The following PRSS23 variants were observed in gnomAD, a reference collection of about 807,000 sequenced individuals.
PRSS23 encodes serine protease 23.
A neutral mutation model predicts 34.7 loss-of-function variants in PRSS23; 25 were observed. The ratio of observed to expected loss-of-function variants is 0.72; its 90% CI spans 0.53 to 1.01. PRSS23 has a LOEUF of 1.01. PRSS23 is among the 50% of genes least tolerant of loss of function. The probability of loss-of-function intolerance (pLI) is 0.00; values close to 1 mark genes in which losing one functional copy is unlikely to be tolerated. For synonymous variants in PRSS23, 176 were observed against 186.6 expected (o/e 0.94, Z 0.46); for missense variants, 445 against 475.6 (o/e 0.94, Z 0.60).
At chr11:86,797,588 TTC>T (rs1280980690), upstream of PRSS23, among the ~76,000 whole-genome samples, 1 of 152,212 alleles carries the variant, frequency 6.6e-6, no homozygotes, top group Non-Finnish European at 1.5e-5. Flanking sequence ...GCCTCAGTTT[TTC>T]TCTCTGAGTG....
intron 2 of PRSS23, chr11:86,947,726 G>A (rs1949255640): frequency 6.6e-6 from 1 of 152,234 alleles, no homozygotes; most frequent in Non-Finnish European, 1.5e-5. Context: ...TCAAGCAGAT[G>A]GTTCTGGCCA....
intron 2 of PRSS23, among the ~76,000 whole-genome samples, chr11:86,868,480 T>G (rs1275796954): frequency 6.6e-6 from 1 of 152,072 alleles, no homozygotes; most frequent in Non-Finnish European, 1.5e-5. Flanking sequence ...TGACCGATAT[T>G]AGGAGGAACA....
intron 2 of PRSS23, among the ~76,000 whole-genome samples, chr11:86,912,406 T>C (rs1227990137): frequency 2.9e-5 from 1 of 34,460 alleles, no homozygotes; most frequent in Non-Finnish European, 7.5e-5. Context: ...GGGACTCCAA[T>C]TGCACACGTT....
intron 2 of PRSS23, among the ~76,000 whole-genome samples, chr11:86,923,394 C>T (rs1590929450): frequency 2.0e-5 from 3 of 152,220 alleles, no homozygotes; most frequent in South Asian, 2.1e-4. Context: ...GCTGGGATTA[C>T]CAGCATAAAC....
upstream of PRSS23, chr11:86,800,534 G>C: frequency 2.0e-6 from 2 of 984,702 alleles, no homozygotes; most frequent in Non-Finnish European, 2.4e-6. Context: ...CTGCTCGCCA[G>C]CTTGCTCGCA....
chr11:86,907,778 A>G (rs1337986818), intron 2 of PRSS23, among the ~76,000 whole-genome samples: 1 of 152,202 alleles, frequency 6.6e-6, no homozygotes, highest in Non-Finnish European at 1.5e-5. Context: ...TTTCAAGTGC[A>G]TAGTGCCGTC....
chr11:86,829,735 G>C (rs1031982838), intron 2 of PRSS23, among the ~76,000 whole-genome samples: 1 of 152,202 alleles, frequency 6.6e-6, no homozygotes, highest in Non-Finnish European at 1.5e-5. Flanking sequence ...AGGTCTGTTG[G>C]AGTTTGCTAG....
chr11:86,818,937 T>G (rs2135613315), intron 1 of PRSS23, among the ~76,000 whole-genome samples: 1 of 152,340 alleles, frequency 6.6e-6, no homozygotes, highest in Non-Finnish European at 1.5e-5. Flanking sequence ...CTTTGCCAAC[T>G]CCTTACTTTC....
intron 2 of PRSS23, among the ~76,000 whole-genome samples, chr11:86,845,216 G>A (rs529633153): frequency 1.8e-4 from 28 of 152,164 alleles, no homozygotes; most frequent in African/African-American, 5.3e-4. Flanking sequence ...TGTGTGCCAC[G>A]CAAAATATAG....
intron 2 of PRSS23, among the ~76,000 whole-genome samples, chr11:86,881,313 T>C (rs1270473774): frequency 1.3e-5 from 2 of 152,008 alleles, no homozygotes; most frequent in Admixed American, 6.6e-5. Flanking sequence ...TTTGGCTTTT[T>C]TTTGTTGGTT....
intron 2 of PRSS23, among the ~76,000 whole-genome samples, chr11:86,860,078 T>C (rs1429098315): frequency 6.6e-6 from 1 of 151,996 alleles, no homozygotes; most frequent in Non-Finnish European, 1.5e-5. Flanking sequence ...CCCCCTGTGA[T>C]ATTGTTCCTA....
intron 2 of PRSS23, among the ~76,000 whole-genome samples, chr11:86,895,395 T>C (rs1948867383): frequency 6.6e-6 from 1 of 151,696 alleles, no homozygotes; most frequent in Non-Finnish European, 1.5e-5. Context: ...ATGTCTATCA[T>C]AAATTCAGTG....
At chr11:86,885,332 C>T (rs1420765356) in intron 2 of PRSS23, among the ~76,000 whole-genome samples, 3 of 152,208 alleles carry the variant, frequency 2.0e-5, no homozygotes, top group Non-Finnish European at 4.4e-5. Flanking sequence ...CCATATGACT[C>T]TCTTTGTCAA....
chr11:86,837,399 C>T (rs943312171), intron 2 of PRSS23: 1 of 152,184 alleles, frequency 6.6e-6, no homozygotes, highest in African/African-American at 2.4e-5. Context: ...ATTGCTTACT[C>T]GAGTAGGTGG....
chr11:86,822,026 G>T (rs1486275347), intron 1 of PRSS23, among the ~76,000 whole-genome samples: 1 of 152,132 alleles, frequency 6.6e-6, no homozygotes, highest in Non-Finnish European at 1.5e-5. Context: ...TATAAAATGG[G>T]ACTAGTAATT....
At chr11:86,889,135 A>G (rs1948824400) in intron 2 of PRSS23, among the ~76,000 whole-genome samples, 1 of 152,170 alleles carries the variant, frequency 6.6e-6, no homozygotes, top group Non-Finnish European at 1.5e-5. Context: ...GCAGCCTTTG[A>G]TGAGTCCTTT....
At chr11:86,916,631 C>T (rs909024514) in intron 2 of PRSS23, among the ~76,000 whole-genome samples, 3 of 152,286 alleles carry the variant, frequency 2.0e-5, no homozygotes, top group South Asian at 4.2e-4. Flanking sequence ...CTCACAGATT[C>T]GGCTTCATTG....
intron 2 of PRSS23, among the ~76,000 whole-genome samples, chr11:86,926,899 G>A (rs1050796696): frequency 1.3e-5 from 2 of 152,134 alleles, no homozygotes; most frequent in African/African-American, 2.4e-5. Flanking sequence ...AAGCTCATGC[G>A]TTACTCCTCC....
intron 2 of PRSS23, among the ~76,000 whole-genome samples, chr11:86,907,703 G>T (rs919889456): frequency 6.6e-6 from 1 of 152,084 alleles, no homozygotes; most frequent in Non-Finnish European, 1.5e-5. Flanking sequence ...GAAGTGATCC[G>T]CCTGCCTTAA....
Sources: allele counts gnomAD v4.1 joint callset (sites outside exome capture counted in the v4.1 genomes callset), GRCh38; gene constraint gnomAD v4.1.1; transcripts MANE v1.5; gene names NCBI Gene and HGNC (gene_info 2026-07-23, HGNC 2026-07-21).